Variants in SMC2 observed in about 807,000 individuals in gnomAD.
The protein encoded by SMC2 is structural maintenance of chromosomes protein 2.
SMC2 carries 41 observed loss-of-function variants against 142.6 expected under a neutral mutation model. The ratio of observed to expected loss-of-function variants is 0.29; its 90% CI spans 0.22 to 0.37. SMC2 has a LOEUF of 0.37. Ranked by LOEUF, SMC2 falls within the 10% of genes least tolerant of loss-of-function variation. SMC2 has a pLI of 1.00. For synonymous variants in SMC2, 463 were observed against 457.5 expected (o/e 1.01, Z -0.15); for missense variants, 1,265 against 1,373.7 (o/e 0.92, Z 1.25).
rs1410321574 is a variant in SMC2 at position 104,094,394 on chromosome 9, C to G, written c.-145C>G. The G allele has an allele frequency of 2.5e-6, 1 of 398,712 alleles. No individual in the cohort carries two copies. Among genetic ancestry groups the G allele is most frequent in the Non-Finnish European group, 4.4e-6 (1 of 226,268 alleles). 24.7% of individuals were successfully genotyped at this position (398,712 alleles called of 1,614,324 possible). A position where few individuals can be genotyped will look rare whatever the true frequency, so the allele number is the denominator to read the frequency against. ...ATGGTGAAGTTCGCTTTGTAGCGGC[C>G]CCGGCTAGAGAGTTGTTCTGTTCCC... On this transcript the variant is annotated 5_prime_UTR_variant, in exon 1 of 25. Coordinates refer to ENST00000374793, the MANE Select transcript of SMC2 (RefSeq NM_006444.3).
At chr9:104,096,856 T>A (rs952519282) in intron 3 of SMC2, among the ~76,000 whole-genome samples, 1 of 152,216 alleles carries the variant, frequency 6.6e-6, no homozygotes, top group African/African-American at 2.4e-5. Context: ...CTTGCCTGAT[T>A]ATACCAAGTA....
chr9:104,122,778 G>T (rs544404650), intron 16 of SMC2, among the ~76,000 whole-genome samples: 1 of 151,910 alleles, frequency 6.6e-6, no homozygotes, highest in Non-Finnish European at 1.5e-5. Flanking sequence ...ATCATTTTTC[G>T]TGGTGAGTAG....
intron 14 of SMC2, among the ~76,000 whole-genome samples, 189 bp downstream of exon 14, chr9:104,116,508 G>A (rs537792629): frequency 4.3e-4 from 65 of 152,212 alleles, no homozygotes; most frequent in Admixed American, 3.2e-3. Context: ...TCCTTTTGAT[G>A]CTTCACTTTG....
chr9:104,131,982 C>T (rs898234540), intron 21 of SMC2, 27 bp from the exon 22 acceptor site: 2 of 1,116,470 alleles, frequency 1.8e-6, no homozygotes, highest in Non-Finnish European at 2.6e-6. Context: ...TATATTTTCC[C>T]AGTTAACCAT....
At position 104,118,197 on chromosome 9, in the gene SMC2, T is replaced by C. The variant is rs76554479; in HGVS notation, c.1818T>C (p.Ala606=). 11 of 1,613,840 alleles carry C rather than the reference T, an allele frequency of 6.8e-6. No homozygotes were observed. The East Asian group carries it at 1.6e-4, about 23-fold the overall frequency. Residue 606 remains alanine, a synonymous_variant, in exon 15 of 25, where the codon GCT becomes GCC. Coordinates refer to ENST00000374793, the MANE Select transcript of SMC2 (RefSeq NM_006444.3). ...TTGGCCCTGACAACGTTCATGTGGCTCTTTCCTTGGTTGAATATAAACCAG... is the reference window on the plus strand; with the variant it reads ...TTGGCCCTGACAACGTTCATGTGGCCCTTTCCTTGGTTGAATATAAACCAG... The part of the protein sequence containing the change: ...NLVGPDNVHV[A]LSLVEYKPEL...
At position 104,126,636 on chromosome 9, in the gene SMC2, T is replaced by C. The variant is rs574442641; in HGVS notation, c.2452-5T>C. The C allele has an allele frequency of 6.2e-7, 1 of 1,602,166 alleles. No individual in the cohort carries two copies. Among genetic ancestry groups the C allele is most frequent in the Non-Finnish European group, 8.5e-7 (1 of 1,176,786 alleles). ...ATGAATACCTGAATACTGTATTTTT[T>C]ATAGGAAGTTGAAGCTATCACTCTG... On this transcript the variant is annotated splice_polypyrimidine_tract_variant and splice_region_variant and intron_variant, in intron 18 of 24. Transcript: ENST00000374793.
chr9:104,131,541 G>A (rs941796313), intron 21 of SMC2, among the ~76,000 whole-genome samples: 6 of 151,768 alleles, frequency 4.0e-5, no homozygotes, highest in African/African-American at 1.2e-4. Context: ...CAATTTATGT[G>A]GTTCCTATAT....
At chr9:104,102,999 G>A (rs1831337156) in intron 9 of SMC2, among the ~76,000 whole-genome samples, 1 of 152,068 alleles carries the variant, frequency 6.6e-6, no homozygotes, top group African/African-American at 2.4e-5. Flanking sequence ...GAGTAGTGAT[G>A]TTGATTAGGT....
At chr9:104,130,048 T>C (rs1012175168) in intron 21 of SMC2, among the ~76,000 whole-genome samples, 1 of 152,208 alleles carries the variant, frequency 6.6e-6, no homozygotes, top group African/African-American at 2.4e-5. Flanking sequence ...CTATTACACC[T>C]GGAATGACTT....
Position 104,140,280 on chromosome 9 carries a change from G to A in SMC2, c.*965G>A, listed in dbSNP as rs1477544289. 6.6e-6 allele frequency: 1 copy of A among 152,044 alleles called. No homozygotes were observed. Among genetic ancestry groups the A allele is most frequent in the African/African-American group, 2.4e-5 (1 of 41,398 alleles). The allele number at this position is 152,044 out of a possible 1,614,324, so 9.4% of individuals were successfully genotyped here. On this transcript the variant is annotated 3_prime_UTR_variant, in exon 25 of 25. Transcript: ENST00000374793. ...TAACTCAAAAGTTGGATGATTATTT[G>A]TCTTCCGCTTTCCAGTTCAAAGGGA...
intron 21 of SMC2, among the ~76,000 whole-genome samples, chr9:104,130,538 A>T (rs1157920584): frequency 1.3e-5 from 2 of 152,160 alleles, no homozygotes; most frequent in African/African-American, 4.8e-5. Flanking sequence ...ATTCATGAGA[A>T]ATCTGCGACA....
chr9:104,133,225 T>A (rs1295563477), intron 22 of SMC2, among the ~76,000 whole-genome samples: 1 of 152,128 alleles, frequency 6.6e-6, no homozygotes, highest in Non-Finnish European at 1.5e-5. Flanking sequence ...ATTTTCTGTG[T>A]AGCATAGGGC....
chr9:104,121,591 G>A (rs1053039028), intron 16 of SMC2, among the ~76,000 whole-genome samples: 1 of 151,952 alleles, frequency 6.6e-6, no homozygotes, highest in South Asian at 2.1e-4. Flanking sequence ...ATTTTATTCA[G>A]AATTCACAAT....
In SMC2 at chr9:104,116,171, C is replaced by T. The variant is rs138776295; in HGVS notation, c.1672-29C>T. 63 of 1,547,796 alleles carry T rather than the reference C, an allele frequency of 4.1e-5. No homozygotes were observed. The African/African-American group carries it at 4.1e-4, about 10-fold the overall frequency. On this transcript the variant is annotated intron_variant, in intron 13 of 24. Coordinates refer to ENST00000374793, the MANE Select transcript of SMC2 (RefSeq NM_006444.3). Reference sequence around the variant, plus strand: ...TCAATTTTCTGTCATTTTTAACATGCGTTTTTTAAATTCAAATGTGTGTTG... The same window carrying T: ...TCAATTTTCTGTCATTTTTAACATGTGTTTTTTAAATTCAAATGTGTGTTG...
At chr9:104,136,778 G>A (rs956422393) in intron 23 of SMC2, among the ~76,000 whole-genome samples, 1 of 125,292 alleles carries the variant, frequency 8.0e-6, no homozygotes, top group African/African-American at 3.4e-5. Flanking sequence ...TTTTTGGCTA[G>A]CAATTTTTCT....
intron 15 of SMC2, among the ~76,000 whole-genome samples, chr9:104,119,020 A>T (rs1438225126): frequency 6.6e-6 from 1 of 152,160 alleles, no homozygotes; most frequent in Non-Finnish European, 1.5e-5. Flanking sequence ...AGAGCTTAGA[A>T]TCTGAATCCC....
intron 23 of SMC2, chr9:104,135,994 TC>T (rs1835493502): frequency 2.0e-6 from 1 of 505,878 alleles, no homozygotes. Context: ...GATTTGGAGT[TC>T]AGGGAAGTTT....
upstream of SMC2, chr9:104,094,161 T>A (rs544536791): frequency 1.8e-5 from 7 of 386,106 alleles, no homozygotes; most frequent in East Asian, 2.2e-4. Flanking sequence ...TCCCCGGAGC[T>A]ACCATTATCG....
intron 15 of SMC2, among the ~76,000 whole-genome samples, chr9:104,119,499 C>T (rs1355574028): frequency 6.6e-6 from 1 of 152,078 alleles, no homozygotes; most frequent in Non-Finnish European, 1.5e-5. Context: ...AGGTCAGCCC[C>T]GAAATCTTAG....
Sources: gnomAD v4.1 joint callset for allele counts (sites outside exome capture counted in the v4.1 genomes callset) on GRCh38, gnomAD v4.1.1 for gene constraint, MANE v1.5 for transcripts, NCBI Gene and HGNC (gene_info 2026-07-23, HGNC 2026-07-21) for gene names.